Variants in SDCBP observed in about 807,000 individuals in gnomAD.
SDCBP encodes the protein syntenin-1.
Under a neutral mutation model 30.5 loss-of-function variants are expected in SDCBP, and 22 were observed. The observed-to-expected ratio is 0.72, with a 90% CI of 0.52 to 1.03. SDCBP has a LOEUF of 1.03. Ranked by LOEUF, SDCBP falls within the 50% of genes least tolerant of loss-of-function variation. The pLI is 0.00. For missense variants in SDCBP, 304 were observed against 369.9 expected, an observed-to-expected ratio of 0.82 and a Z score of 1.46; for synonymous variants, 103 against 118.7, an observed-to-expected ratio of 0.87 and a Z score of 0.86.
At chr8:58,563,028 A>G (rs1281407058) in intron 1 of SDCBP, among the ~76,000 whole-genome samples, 1 of 152,206 alleles carries the variant, frequency 6.6e-6, no homozygotes, top group Non-Finnish European at 1.5e-5. Context: ...GAGTTACCAT[A>G]TGACCCAGCA....
Position 58,579,703 on chromosome 8 carries a change from C to A in SDCBP, c.659C>A (p.Ser220Tyr). ...ATCTTTAAAAATGGAAAAATAACATCCATAGTGAAAGATAGCTCTGCAGCC... is the reference window on the plus strand; with the variant it reads ...ATCTTTAAAAATGGAAAAATAACATACATAGTGAAAGATAGCTCTGCAGCC... ...GFIFKNGKITSIVKDSSAARN... is the reference protein window; with the variant it reads ...GFIFKNGKITYIVKDSSAARN... The change falls in exon 7 of 9, where the codon TCC becomes TAC. Residue 220 changes from serine (S) to tyrosine (Y), a missense_variant. By Grantham distance (144) the Ser-to-Tyr change is moderately radical. Transcript: ENST00000260130. 1 of 1,611,934 alleles carries A rather than the reference C, an allele frequency of 6.2e-7. No individual in the cohort carries two copies. Among genetic ancestry groups the A allele is most frequent in the African/African-American group, 1.3e-5 (1 of 74,952 alleles).
At chr8:58,566,916 C>T (rs548776198) in intron 2 of SDCBP, among the ~76,000 whole-genome samples, 1 of 152,334 alleles carries the variant, frequency 6.6e-6, no homozygotes, top group East Asian at 1.9e-4. Flanking sequence ...ACCTTTTTCT[C>T]TCCATTCCAA....
chr8:58,561,741 A>C lies in SDCBP; in HGVS notation c.-15-3278A>C. ...AAAGTATGTTCAACATGAAAGTATAAAATTAAATGATAAAGCTATGGACAA... is the reference window on the plus strand; with the variant it reads ...AAAGTATGTTCAACATGAAAGTATACAATTAAATGATAAAGCTATGGACAA... On this transcript the variant is annotated intron_variant, in intron 1 of 8. Coordinates refer to ENST00000260130, the MANE Select transcript of SDCBP (RefSeq NM_005625.4). 4.4e-6 allele frequency: 3 copies of C among 682,578 alleles called. No individual in the cohort carries two copies. The South Asian group carries it at 4.7e-5, about 11-fold the overall frequency. The allele number at this position is 682,578 out of a possible 1,614,324, so 42.3% of individuals were successfully genotyped here.
chr8:58,568,349 A>C (rs1309643372), intron 2 of SDCBP, among the ~76,000 whole-genome samples: 1 of 152,078 alleles, frequency 6.6e-6, no homozygotes, highest in Non-Finnish European at 1.5e-5. Flanking sequence ...TTCCACCTCC[A>C]CATCATCCCA....
At chr8:58,553,685 C>T (rs1803941316) in intron 1 of SDCBP, among the ~76,000 whole-genome samples, 2 of 152,248 alleles carry the variant, frequency 1.3e-5, no homozygotes, top group African/African-American at 4.8e-5. Flanking sequence ...TTGTTTTCTC[C>T]TCGATAAGAT....
At chr8:58,571,709 A>G (rs1805035568) in intron 3 of SDCBP, among the ~76,000 whole-genome samples, 1 of 152,196 alleles carries the variant, frequency 6.6e-6, no homozygotes, top group African/African-American at 2.4e-5. Flanking sequence ...ATGTGGTTAA[A>G]ATTATTAAAA....
rs1805287236 is a variant in SDCBP at position 58,575,933 on chromosome 8, A to G, written c.274A>G (p.Met92Val). 1.9e-6 allele frequency: 3 copies of G among 1,613,428 alleles called. No individual in the cohort carries two copies. The highest frequency in any genetic ancestry group is 1.7e-5 in the Admixed American group (1 of 59,996). Residue 92 changes from methionine to valine, a missense_variant, in exon 5 of 9, where the codon ATG becomes GTG. Met to Val is a conservative substitution (Grantham distance 21, BLOSUM62 1). Coordinates refer to ENST00000260130, the MANE Select transcript of SDCBP (RefSeq NM_005625.4). ...LVARPSSINYMVAPVTGNDVG... is the reference protein window; with the variant it reads ...LVARPSSINYVVAPVTGNDVG... The stretch of plus-strand genomic sequence containing the variant: ...AGCAAGACCTTCCAGTATAAACTAT[A>G]TGGTGGCTCCTGTAACTGGTAATGA...
At chr8:58,568,801 G>T (rs922178741) in intron 2 of SDCBP, among the ~76,000 whole-genome samples, 1 of 152,212 alleles carries the variant, frequency 6.6e-6, no homozygotes, top group Non-Finnish European at 1.5e-5. Flanking sequence ...GCATTAGACA[G>T]AATAGGTTCA....
chr8:58,569,170 G>A (rs1301747958), intron 2 of SDCBP, among the ~76,000 whole-genome samples: 2 of 152,126 alleles, frequency 1.3e-5, no homozygotes, highest in African/African-American at 4.8e-5. Flanking sequence ...AGCCTCCCGG[G>A]TAGCTGGAAT....
chr8:58,556,908 A>G (rs1234676135), intron 1 of SDCBP, among the ~76,000 whole-genome samples: 1 of 141,252 alleles, frequency 7.1e-6, no homozygotes, highest in Non-Finnish European at 1.5e-5. Flanking sequence ...ACGTATTATA[A>G]TATATTCTAA....
chr8:58,579,854 CTG>C, intron 7 of SDCBP, 60 bp downstream of exon 7: 2 of 1,493,170 alleles, frequency 1.3e-6, no homozygotes, highest in Non-Finnish European at 1.8e-6. Flanking sequence ...TGTCTTTTGA[CTG>C]TATTTAGGTG....
At chr8:58,557,249 CAATATTTATATTTA>C (rs1300615966) in intron 1 of SDCBP, among the ~76,000 whole-genome samples, 7 of 123,202 alleles carry the variant, frequency 5.7e-5, no homozygotes, top group South Asian at 2.4e-4. Context: ...TAATTTTAAT[CAATATTTATATTTA>C]AATATTTATA....
At chr8:58,559,014 T>C (rs1312878730) in intron 1 of SDCBP, among the ~76,000 whole-genome samples, 1 of 152,210 alleles carries the variant, frequency 6.6e-6, no homozygotes, top group East Asian at 1.9e-4. Flanking sequence ...TTAAGATCAG[T>C]ACACTTAAAG....
intron 1 of SDCBP, among the ~76,000 whole-genome samples, chr8:58,562,621 G>T (rs1232619199): frequency 1.3e-5 from 2 of 152,110 alleles, no homozygotes; most frequent in East Asian, 3.8e-4. Flanking sequence ...AAATAACTGG[G>T]TTTCCACATG....
At chr8:58,567,272 C>A (rs749038225) in intron 2 of SDCBP, among the ~76,000 whole-genome samples, 5 of 152,164 alleles carry the variant, frequency 3.3e-5, no homozygotes, top group Non-Finnish European at 5.9e-5. Flanking sequence ...TTGCAGGGAG[C>A]TTTCTATATG....
At chr8:58,557,696 C>T (rs907121106) in intron 1 of SDCBP, among the ~76,000 whole-genome samples, 5 of 151,812 alleles carry the variant, frequency 3.3e-5, no homozygotes, top group African/African-American at 1.2e-4. Context: ...CAAACCTGGT[C>T]AAAGGGTATG....
In SDCBP at chr8:58,582,244, T is replaced by C. The variant is rs1371572855; in HGVS notation, c.*504T>C. ...AATTAAGAACACTGGTTTCATTCCA[T>C]GTAAGCATTAAACAGTGTATGTAGG... On this transcript the variant is annotated 3_prime_UTR_variant, in exon 9 of 9. Coordinates refer to ENST00000260130, the MANE Select transcript of SDCBP (RefSeq NM_005625.4). 2 of 154,574 alleles carry C rather than the reference T, an allele frequency of 1.3e-5. No individual in the cohort carries two copies. The highest frequency in any genetic ancestry group is 2.9e-5 in the Non-Finnish European group (2 of 69,468). The allele number at this position is 154,574 out of a possible 1,614,324, so 9.6% of individuals were successfully genotyped here.
rs773629047 is a variant in SDCBP, at chr8:58,578,116, T to C, written c.486T>C (p.Asn162=). 1 of 1,613,888 alleles carries C rather than the reference T, an allele frequency of 6.2e-7. No individual in the cohort carries two copies. The highest frequency in any genetic ancestry group is 8.5e-7 in the Non-Finnish European group (1 of 1,179,892). Reference sequence around the variant, plus strand: ...TTGGGGACCAAGTACTTCAGATCAATGGTGAAAACTGTGCAGGATGGAGCT... The same window carrying C: ...TTGGGGACCAAGTACTTCAGATCAACGGTGAAAACTGTGCAGGATGGAGCT... ...LRFGDQVLQI[N]GENCAGWSSD... is the part of the protein sequence containing the mutation. The change falls in exon 6 of 9, where the codon AAT becomes AAC. Residue 162 remains asparagine (N), a synonymous_variant. Coordinates refer to ENST00000260130, the MANE Select transcript of SDCBP (RefSeq NM_005625.4).
chr8:58,553,647 G>T (rs1022431921), intron 1 of SDCBP, among the ~76,000 whole-genome samples: 2 of 152,214 alleles, frequency 1.3e-5, no homozygotes, highest in Non-Finnish European at 2.9e-5. Context: ...CCAGCTCTGG[G>T]GTTCTTCCTG....
Sources: allele counts gnomAD v4.1 joint callset (sites outside exome capture counted in the v4.1 genomes callset), GRCh38; gene constraint gnomAD v4.1.1; transcripts MANE v1.5; gene names NCBI Gene and HGNC (gene_info 2026-07-23, HGNC 2026-07-21).